The following ADAMTS9 variants were observed in gnomAD, a reference collection of about 807,000 sequenced individuals.
ADAMTS9 encodes the protein A disintegrin and metalloproteinase with thrombospondin motifs 9.
Under a neutral mutation model 257.1 loss-of-function variants are expected in ADAMTS9, and 107 were observed. The observed-to-expected ratio is 0.42, with a 90% confidence interval of 0.36 to 0.49. The LOEUF is 0.49. ADAMTS9 is among the 20% of genes least tolerant of loss of function. ADAMTS9 has a pLI of 0.03. For synonymous variants in ADAMTS9, 982 were observed against 880.9 expected (o/e 1.11, Z -2.03); for missense variants, 2,353 against 2,469.1 (o/e 0.95, Z 1.00).
chr3:64,543,685 G>A (rs1042057781), intron 32 of ADAMTS9, among the ~76,000 whole-genome samples: 1 of 152,156 alleles, frequency 6.6e-6, no homozygotes, highest in Non-Finnish European at 1.5e-5. Flanking sequence ...AAAACTGGAA[G>A]CATTCCCTTT....
chr3:64,687,343 G>T lies in ADAMTS9; in HGVS notation c.115+200C>A, dbSNP rs1701943155. On this transcript the variant is annotated intron_variant, in intron 1 of 39. Transcript: ENST00000498707. The surrounding 1 kb of genome is among the most constrained non-coding windows in gnomAD (Gnocchi z 4.4). Reference sequence around the variant, plus strand: ...TCTGGCAACAGCAAGGTAGGGGGGGGTTGCCTAAATTCGTTTCCATAGTGT... The same window carrying T: ...TCTGGCAACAGCAAGGTAGGGGGGGTTTGCCTAAATTCGTTTCCATAGTGT... Among the ~76,000 whole-genome samples the T allele has an allele frequency of 1.3e-5, 2 of 152,172 alleles. No individual in the cohort carries two copies. The highest frequency in any genetic ancestry group is 2.9e-5 in the Non-Finnish European group (2 of 68,044).
At chr3:64,556,401 G>A (rs774864346) in intron 30 of ADAMTS9, among the ~76,000 whole-genome samples, 3 of 152,166 alleles carry the variant, frequency 2.0e-5, no homozygotes, top group Admixed American at 6.6e-5. Flanking sequence ...GCTCACTGCA[G>A]CATTGACCTC....
chr3:64,611,867 T>A (rs1368635143), intron 22 of ADAMTS9, among the ~76,000 whole-genome samples: 1 of 152,178 alleles, frequency 6.6e-6, no homozygotes, highest in Non-Finnish European at 1.5e-5. Flanking sequence ...TGATGAAGTT[T>A]CGTAACTAGG....
chr3:64,574,619 A>G (rs993545909), intron 28 of ADAMTS9, among the ~76,000 whole-genome samples: 1 of 151,544 alleles, frequency 6.6e-6, no homozygotes, highest in South Asian at 2.1e-4. Context: ...TGTTGTTCCA[A>G]CTGCTTGGGC....
intron 28 of ADAMTS9, among the ~76,000 whole-genome samples, chr3:64,573,030 A>T (rs2083733704): frequency 6.8e-6 from 1 of 147,886 alleles, no homozygotes; most frequent in Admixed American, 7.0e-5. Flanking sequence ...GTGAGTCAAG[A>T]TCCTCCACTG....
chr3:64,517,416 G>GTTTTTTTTGTTTTTTTTTTT (rs1553698668), intron 39 of ADAMTS9, among the ~76,000 whole-genome samples: 3 of 52,670 alleles, frequency 5.7e-5, no homozygotes, highest in South Asian at 1.5e-3. Context: ...ATTAAAAATG[G>GTTTTTTTTGTTTTTTTTTTT]TTTTTTTTTT....
intron 16 of ADAMTS9, among the ~76,000 whole-genome samples, chr3:64,626,200 A>C (rs1049321865): frequency 2.0e-5 from 3 of 152,166 alleles, no homozygotes; most frequent in African/African-American, 7.2e-5. Context: ...TCACACTTCT[A>C]TAAGGTAGTG....
intron 30 of ADAMTS9, among the ~76,000 whole-genome samples, chr3:64,558,241 C>G (rs1040867416): frequency 2.0e-4 from 30 of 152,196 alleles, no homozygotes; most frequent in African/African-American, 7.2e-4. Context: ...AGCTTCCGGG[C>G]TTCAAATTCC....
intron 12 of ADAMTS9, among the ~76,000 whole-genome samples, chr3:64,638,229 T>A (rs547160688): frequency 1.3e-5 from 2 of 152,248 alleles, no homozygotes; most frequent in South Asian, 4.1e-4. Flanking sequence ...CTGACACGAT[T>A]TTTGTTTTTG....
rs771040448 is a variant in ADAMTS9, at chr3:64,621,098, G to C, written c.2813+16C>G. ...CACAATTCAGTAATAAAGGCCTTGA[G>C]AAAACAGTGGCCCACCTCAGGTCAC... On this transcript the variant is annotated intron_variant, in intron 19 of 39. Coordinates refer to ENST00000498707, the MANE Select transcript of ADAMTS9 (RefSeq NM_182920.2). 1 of 1,598,910 alleles carries C rather than the reference G, an allele frequency of 6.3e-7. No homozygotes were observed. The highest frequency in any genetic ancestry group is 1.8e-5 in the Admixed American group (1 of 56,714).
rs568482123 is a variant in ADAMTS9 at position 64,632,038 on chromosome 3, T to G, written c.2176-113A>C. ...TAAAAATGACAAGAAAGTCAAGTCC[T>G]TTAAAACTTGGAAAGGTTGAAAACT... On this transcript the variant is annotated intron_variant, in intron 14 of 39. Transcript: ENST00000498707. 2.9e-5 allele frequency: 23 copies of G among 795,230 alleles called. No homozygotes were observed. In the African/African-American group the frequency reaches 3.7e-4, roughly 13 times the overall value. The allele number at this position is 795,230 out of a possible 1,614,324, so 49.3% of individuals were successfully genotyped here.
intron 15 of ADAMTS9, 114 bp downstream of exon 15, chr3:64,631,694 A>G (rs1700371221): frequency 8.3e-7 from 1 of 1,201,450 alleles, no homozygotes; most frequent in Non-Finnish European, 1.2e-6. Context: ...ATAATCCACC[A>G]TAACGAGACT....
chr3:64,667,754 T>C (rs1701385406), intron 3 of ADAMTS9, among the ~76,000 whole-genome samples: 1 of 152,310 alleles, frequency 6.6e-6, no homozygotes, highest in Non-Finnish European at 1.5e-5. Flanking sequence ...CCAACGTTTG[T>C]TGAGTTGCTT....
intron 4 of ADAMTS9, among the ~76,000 whole-genome samples, chr3:64,656,244 G>A (rs1701066116): frequency 1.3e-5 from 2 of 152,112 alleles, no homozygotes; most frequent in South Asian, 4.1e-4. Flanking sequence ...AGCCGACACT[G>A]CTATTCTTTA....
At chr3:64,666,552 T>A (rs1322427111) in intron 3 of ADAMTS9, among the ~76,000 whole-genome samples, 2 of 152,172 alleles carry the variant, frequency 1.3e-5, no homozygotes, top group African/African-American at 4.8e-5. Flanking sequence ...CCAACCCTGG[T>A]TTCCATTCCT....
intron 3 of ADAMTS9, among the ~76,000 whole-genome samples, chr3:64,667,269 C>G (rs1701373033): frequency 6.6e-6 from 1 of 152,204 alleles, no homozygotes; most frequent in Non-Finnish European, 1.5e-5. Context: ...GCATGCACAT[C>G]TGGAACTTTC....
At chr3:64,543,135 A>G (rs2083148748) in intron 32 of ADAMTS9, among the ~76,000 whole-genome samples, 1 of 152,190 alleles carries the variant, frequency 6.6e-6, no homozygotes, top group Non-Finnish European at 1.5e-5. Context: ...TAGCCTACCA[A>G]CCAAAAAAAG....
chr3:64,534,662 T>C (rs575919737), intron 37 of ADAMTS9, among the ~76,000 whole-genome samples: 6 of 152,280 alleles, frequency 3.9e-5, no homozygotes, highest in African/African-American at 1.2e-4. Context: ...TTCCACAAGA[T>C]AGAGGTGACC....
intron 3 of ADAMTS9, among the ~76,000 whole-genome samples, chr3:64,678,436 T>C (rs1701675714): frequency 6.6e-6 from 1 of 152,208 alleles, no homozygotes; most frequent in Admixed American, 6.5e-5. Context: ...GCTAAACATC[T>C]GAATCACTTG....
Sources: gnomAD v4.1 joint callset for allele counts (sites outside exome capture counted in the v4.1 genomes callset) on GRCh38, gnomAD v4.1.1 for gene constraint, Gnocchi (gnomAD v3.1) non-coding constraint, MANE v1.5 for transcripts, NCBI Gene and HGNC (gene_info 2026-07-23, HGNC 2026-07-21) for gene names.